MCC: variants seen among roughly 807,000 people sequenced by gnomAD.
The protein encoded by MCC is MCC regulator of Wnt signaling pathway.
A neutral mutation model predicts 116.2 loss-of-function variants in MCC; 90 were observed. The ratio of observed to expected loss-of-function variants is 0.77; its 90% CI spans 0.65 to 0.92. MCC has a LOEUF of 0.92. Among genes scored for constraint, MCC ranks in the 40% least tolerant of loss-of-function variants. MCC has a pLI of 0.00. For synonymous variants in MCC, 578 were observed against 510.5 expected, an observed-to-expected ratio of 1.13 and a Z score of -1.78; for missense variants, 1,516 against 1,312.2, an observed-to-expected ratio of 1.16 and a Z score of -2.40.
Position 113,488,353 on chromosome 5 carries a change from C to T in MCC, c.62G>A (p.Gly21Asp). ...GCTGCTGCTGCTGCTGCTGCCGCTG[C>T]CGCCGCCGCCGCCGCCGCTGCTGGA... is the stretch of plus-strand genomic sequence containing the variant. ...GSSSSGGGGG[G>D]SGSSSSSSDT... Residue 21 changes from glycine to aspartate, a missense_variant, in exon 1 of 19, where the codon GGC becomes GAC. By Grantham distance (94) the Gly-to-Asp change is moderately conservative (BLOSUM62 -1). Transcript: ENST00000408903. The T allele has an allele frequency of 7.2e-7, 1 of 1,392,706 alleles. No individual in the cohort carries two copies. The highest frequency in any genetic ancestry group is 2.3e-5 in the Admixed American group (1 of 43,248). 86.3% of individuals were successfully genotyped at this position (1,392,706 alleles called of 1,614,324 possible).
At chr5:113,189,995 C>A (rs559426171) in intron 3 of MCC, among the ~76,000 whole-genome samples, 1 of 152,272 alleles carries the variant, frequency 6.6e-6, no homozygotes, top group South Asian at 2.1e-4. Context: ...CACTCAGGGG[C>A]CTGTGTCCGC....
At chr5:113,269,161 T>C in intron 3 of MCC, 1 of 985,340 alleles carries the variant, frequency 1.0e-6, no homozygotes, top group Middle Eastern at 5.2e-4. Context: ...AGAATAATTC[T>C]CTGCTTACCA....
chr5:113,134,535 A>G (rs781738189), intron 5 of MCC, among the ~76,000 whole-genome samples: 1 of 61,410 alleles, frequency 1.6e-5, no homozygotes, highest in Admixed American at 1.5e-4. Context: ...TTTGCTCAGG[A>G]TTGGCTTTGG....
intron 3 of MCC, among the ~76,000 whole-genome samples, chr5:113,277,194 AAAC>A (rs1191592201): frequency 1.1e-4 from 16 of 143,820 alleles, no homozygotes; most frequent in Non-Finnish European, 1.8e-4. Context: ...AAAAAACAAA[AAAC>A]AAAAACACAA....
intron 11 of MCC, among the ~76,000 whole-genome samples, chr5:113,080,677 T>C (rs560701791): frequency 1.1e-3 from 173 of 152,152 alleles, no homozygotes; most frequent in African/African-American, 4.0e-3. Context: ...CGGGGAGGGA[T>C]AGCATTAGGA....
chr5:113,408,490 CAATG>C (rs1561556004), intron 1 of MCC, among the ~76,000 whole-genome samples: 3 of 152,160 alleles, frequency 2.0e-5, no homozygotes, highest in African/African-American at 7.2e-5. Flanking sequence ...CTTTACCTGA[CAATG>C]AATTATCCTC....
chr5:113,488,182 G>T (rs1249085527), intron 1 of MCC, 63 bp downstream of exon 1: 1 of 1,528,782 alleles, frequency 6.5e-7, no homozygotes, highest in African/African-American at 1.4e-5. Context: ...GCAGAGCAGG[G>T]GTCAAGGGCG....
chr5:113,145,241 A>T (rs1444815845), intron 4 of MCC, among the ~76,000 whole-genome samples: 4 of 152,112 alleles, frequency 2.6e-5, no homozygotes, highest in Non-Finnish European at 5.9e-5. Context: ...ACATGTACAG[A>T]TGTAGTGGAC....
chr5:113,228,042 A>G (rs549576685), intron 3 of MCC, among the ~76,000 whole-genome samples: 22 of 152,340 alleles, frequency 1.4e-4, no homozygotes, highest in Admixed American at 1.1e-3. Flanking sequence ...TTTAGCCCCA[A>G]TGAGCCTGGG....
At chr5:113,194,348 A>T (rs1375387030) in intron 3 of MCC, among the ~76,000 whole-genome samples, 1 of 152,170 alleles carries the variant, frequency 6.6e-6, no homozygotes, top group Non-Finnish European at 1.5e-5. Flanking sequence ...TAGAAGAGAG[A>T]AAAACAACAA....
At chr5:113,487,200 T>C (rs892689725) in intron 1 of MCC, among the ~76,000 whole-genome samples, 2 of 151,802 alleles carry the variant, frequency 1.3e-5, no homozygotes, top group Admixed American at 6.6e-5. Flanking sequence ...TGCTTTCTTT[T>C]TTTTTTTTTT....
At chr5:113,127,486 C>G (rs1373752504) in intron 5 of MCC, among the ~76,000 whole-genome samples, 1 of 152,158 alleles carries the variant, frequency 6.6e-6, no homozygotes, top group Admixed American at 6.5e-5. Flanking sequence ...TAAGTATTCC[C>G]TTTTCTCTGC....
At chr5:113,236,637 T>G (rs570388184) in intron 3 of MCC, among the ~76,000 whole-genome samples, 1 of 152,364 alleles carries the variant, frequency 6.6e-6, no homozygotes, top group South Asian at 2.1e-4. Flanking sequence ...ATCTTCACTG[T>G]TAGCGTTGCC....
chr5:113,216,178 C>A (rs981249724), intron 3 of MCC, among the ~76,000 whole-genome samples: 1 of 149,572 alleles, frequency 6.7e-6, no homozygotes, highest in Non-Finnish European at 1.5e-5. Flanking sequence ...GCACCAGAGA[C>A]CATATACCCT....
At chr5:113,453,536 G>A (rs529587629) in intron 1 of MCC, among the ~76,000 whole-genome samples, 4 of 152,258 alleles carry the variant, frequency 2.6e-5, no homozygotes, top group Admixed American at 6.5e-5. Context: ...AAAGGCAGGC[G>A]CCGTGATTCC....
At chr5:113,193,942 AC>A (rs1320179637) in intron 3 of MCC, among the ~76,000 whole-genome samples, 8 of 152,004 alleles carry the variant, frequency 5.3e-5, no homozygotes, top group African/African-American at 7.3e-5. Context: ...GTATTTTGTG[AC>A]CTATTCCTGT....
chr5:113,395,295 T>C (rs752355430), intron 1 of MCC, among the ~76,000 whole-genome samples: 2 of 152,206 alleles, frequency 1.3e-5, no homozygotes, highest in African/African-American at 4.8e-5. Context: ...GTTGATATCA[T>C]TAGGTTTTTA....
chr5:113,413,875 T>G (rs1281901630), intron 1 of MCC, among the ~76,000 whole-genome samples: 1 of 152,208 alleles, frequency 6.6e-6, no homozygotes, highest in Non-Finnish European at 1.5e-5. Flanking sequence ...GGGTGTCAAT[T>G]TTAGATCTTT....
chr5:113,229,924 TA>T (rs1763881311), intron 3 of MCC, among the ~76,000 whole-genome samples: 1 of 152,180 alleles, frequency 6.6e-6, no homozygotes, highest in African/African-American at 2.4e-5. Flanking sequence ...ACTGATCCCC[TA>T]ACAACACATT....
Sources: allele counts gnomAD v4.1 joint callset (sites outside exome capture counted in the v4.1 genomes callset), GRCh38; gene constraint gnomAD v4.1.1; transcripts MANE v1.5; gene names NCBI Gene and HGNC (gene_info 2026-07-23, HGNC 2026-07-21).